DMD: variants seen among roughly 807,000 people sequenced by gnomAD.
DMD encodes the protein mutant dystrophin.
Under a neutral mutation model 330.1 loss-of-function variants are expected in DMD, and 63 were observed. The ratio of observed to expected loss-of-function variants is 0.19; its 90% CI spans 0.16 to 0.24. The LOEUF is 0.24. Ranked by LOEUF, DMD falls within the 10% of genes least tolerant of loss-of-function variation. DMD has a pLI of 1.00. For missense variants in DMD, 3,344 were observed against 2,684.1 expected (o/e 1.25, Z -5.43); for synonymous variants, 1,223 against 959.8 (o/e 1.27, Z -5.07).
At chrX:33,178,033 C>T (rs761685293) in intron 1 of DMD, among the ~76,000 whole-genome samples, 2 of 112,343 alleles carry the variant, frequency 1.8e-5, no homozygotes, top group South Asian at 3.7e-4. Context: ...CCTAGTAACA[C>T]GGATGTATGC....
intron 60 of DMD, among the ~76,000 whole-genome samples, chrX:31,370,422 A>G (rs2059493349): frequency 8.9e-6 from 1 of 112,186 alleles, no homozygotes; most frequent in African/African-American, 3.2e-5. Flanking sequence ...TATGGCAAAC[A>G]AGTACAGGAA....
At chrX:32,301,235 A>G (rs868645476) in intron 42 of DMD, among the ~76,000 whole-genome samples, 8 of 108,054 alleles carry the variant, frequency 7.4e-5, no homozygotes, top group South Asian at 3.9e-4. Context: ...AAAAAAAAAA[A>G]AAAGAAAGAA....
chrX:33,258,224 T>A (rs1218236550), intron 1 of DMD, among the ~76,000 whole-genome samples: 1 of 111,639 alleles, frequency 9.0e-6, no homozygotes, highest in Non-Finnish European at 1.9e-5. Context: ...TAGTTTGAAC[T>A]GTGAGTAACT....
chrX:31,446,402 G>C (rs2065270457), intron 59 of DMD, among the ~76,000 whole-genome samples: 2 of 111,426 alleles, frequency 1.8e-5, no homozygotes, highest in Admixed American at 9.6e-5. Context: ...CTTTGAAAGA[G>C]TGAATTTTAA....
chrX:32,464,642 C>T lies in DMD; in HGVS notation c.3220G>A (p.Glu1074Lys). ...TCTGAATCCCCAAGGGCAGGCCATT[C>T]CTCCTTCAGAAAAACATCAACTTCA... ...MAEVDVFLKEEWPALGDSEIL... is the reference protein window; with the variant it reads ...MAEVDVFLKEKWPALGDSEIL... Residue 1074 changes from glutamate (E) to lysine (K), a missense_variant, in exon 24 of 79, where the codon GAA (glutamate) becomes AAA (lysine). Physicochemically the swap from Glu to Lys is moderately conservative, Grantham distance 56. Transcript: ENST00000357033. 1 of 1,210,840 alleles carries T rather than the reference C, an allele frequency of 8.3e-7. No homozygotes were observed. The highest frequency in any genetic ancestry group is 1.7e-5 in the African/African-American group (1 of 57,773).
intron 52 of DMD, among the ~76,000 whole-genome samples, chrX:31,721,111 T>C (rs1342828414): frequency 2.7e-5 from 3 of 111,519 alleles, no homozygotes; most frequent in Non-Finnish European, 5.6e-5. Flanking sequence ...CCATTTCTAT[T>C]ATTTAACGTA....
chrX:32,229,987 T>C (rs1305671350), intron 43 of DMD, among the ~76,000 whole-genome samples: 1 of 108,847 alleles, frequency 9.2e-6, no homozygotes, highest in African/African-American at 3.3e-5. Flanking sequence ...ACACTCCTTT[T>C]GTCCTGCTTT....
chrX:32,199,982 A>C (rs962966433), intron 44 of DMD, among the ~76,000 whole-genome samples: 10 of 110,640 alleles, frequency 9.0e-5, no homozygotes, highest in African/African-American at 3.3e-4. Context: ...TACCTCAAAA[A>C]CATAGCCCCC....
chrX:33,328,861 C>T (rs1196696788), intron 1 of DMD, among the ~76,000 whole-genome samples: 3 of 111,170 alleles, frequency 2.7e-5, no homozygotes, highest in South Asian at 3.8e-4. Flanking sequence ...TAATGGTCTC[C>T]GGGTTTTGAA....
chrX:32,312,189 T>C (rs991459611), intron 41 of DMD, among the ~76,000 whole-genome samples: 1 of 111,410 alleles, frequency 9.0e-6, no homozygotes, highest in African/African-American at 3.2e-5. Flanking sequence ...TCAAGGGAGT[T>C]GTTTCAGAAT....
At chrX:32,646,153 T>C (rs1260019544) in intron 9 of DMD, among the ~76,000 whole-genome samples, 1 of 111,820 alleles carries the variant, frequency 8.9e-6, no homozygotes, top group Non-Finnish European at 1.9e-5. Context: ...CCTGGCCATA[T>C]GTTTGCAGAG....
chrX:31,958,968 C>T (rs188641358), intron 45 of DMD, among the ~76,000 whole-genome samples: 204 of 111,458 alleles, frequency 1.8e-3, no homozygotes, highest in African/African-American at 6.3e-3. Context: ...GACTAACAGC[C>T]TTCCATGCAG....
chrX:31,271,152 G>A (rs2051596036), intron 62 of DMD, among the ~76,000 whole-genome samples: 1 of 111,830 alleles, frequency 8.9e-6, no homozygotes, highest in Non-Finnish European at 1.9e-5. Flanking sequence ...GATTGGATGA[G>A]TAGCATTCTC....
intron 55 of DMD, among the ~76,000 whole-genome samples, chrX:31,600,465 T>C (rs1192812427): frequency 9.1e-6 from 1 of 109,716 alleles, no homozygotes; most frequent in African/African-American, 3.3e-5. Flanking sequence ...ATCTGGATTC[T>C]TATATCATGC....
chrX:33,333,045 C>G (rs1377468534), intron 1 of DMD, among the ~76,000 whole-genome samples: 1 of 110,715 alleles, frequency 9.0e-6, no homozygotes, highest in Non-Finnish European at 1.9e-5. Context: ...AGATCAAGAT[C>G]TTTGATAGCA....
chrX:31,193,212 T>C (rs972397240), intron 67 of DMD, among the ~76,000 whole-genome samples: 7 of 112,641 alleles, frequency 6.2e-5, no homozygotes, highest in Non-Finnish European at 9.4e-5. Context: ...GTTTTAATTA[T>C]GTCAATGTGT....
chrX:31,299,116 T>C (rs2054432106), intron 62 of DMD, among the ~76,000 whole-genome samples: 1 of 111,662 alleles, frequency 9.0e-6, no homozygotes, highest in Non-Finnish European at 1.9e-5. Flanking sequence ...GCAAATGTCA[T>C]TTACAAAATG....
intron 7 of DMD, among the ~76,000 whole-genome samples, chrX:32,740,427 G>C (rs938939305): frequency 9.1e-6 from 1 of 110,212 alleles, no homozygotes; most frequent in Admixed American, 9.8e-5. Context: ...GAAAACATGG[G>C]AATCACTATT....
intron 37 of DMD, among the ~76,000 whole-genome samples, chrX:32,359,447 TA>T (rs909669340): frequency 9.0e-6 from 1 of 111,567 alleles, no homozygotes; most frequent in African/African-American, 3.3e-5. Flanking sequence ...ATCACCATAG[TA>T]TTTTTTTTCC....
Sources: allele counts gnomAD v4.1 joint callset (sites outside exome capture counted in the v4.1 genomes callset), GRCh38; gene constraint gnomAD v4.1.1; transcripts MANE v1.5; gene names NCBI Gene and HGNC (gene_info 2026-07-23, HGNC 2026-07-21).